The following COL5A2 variants were observed in gnomAD, a reference collection of about 807,000 sequenced individuals.
COL5A2 encodes the protein collagen type V alpha 2 chain.
A neutral mutation model predicts 208.2 loss-of-function variants in COL5A2; 23 were observed. That is an observed-to-expected ratio of 0.11 (90% CI 0.08 to 0.16). The LOEUF (loss-of-function observed/expected upper bound fraction) is 0.16, where lower values mean the gene tolerates loss of function less well. Ranked by LOEUF, COL5A2 falls within the 10% of genes least tolerant of loss-of-function variation. The probability of loss-of-function intolerance (pLI) is 1.00; values close to 1 mark genes in which losing one functional copy is unlikely to be tolerated. For synonymous variants in COL5A2, 625 were observed against 628.5 expected (o/e 0.99, Z 0.08); for missense variants, 1,590 against 1,956.4 (o/e 0.81, Z 3.53).
At chr2:189,104,620 TG>T (rs1412338295) in intron 2 of COL5A2, among the ~76,000 whole-genome samples, 1 of 151,888 alleles carries the variant, frequency 6.6e-6, no homozygotes, top group Non-Finnish European at 1.5e-5. Flanking sequence ...TGAGCAAGGC[TG>T]TTTATTCATA....
chr2:189,220,065 T>A (rs2351633), intron 1 of COL5A2, among the ~76,000 whole-genome samples: 110,427 of 152,048 alleles, frequency 0.73, 43,177 homozygotes, highest in Non-Finnish European at 0.87. Context: ...TGCAGGCCTT[T>A]ATGCCCACCT....
chr2:189,129,790 A>T (rs1331873932), intron 1 of COL5A2, among the ~76,000 whole-genome samples: 3 of 152,062 alleles, frequency 2.0e-5, no homozygotes, highest in Non-Finnish European at 4.4e-5. Flanking sequence ...AGCTACATTA[A>T]AGACTGTGTG....
chr2:189,064,511 G>A (rs1686102924), intron 25 of COL5A2, 46 bp downstream of exon 25: 3 of 1,334,714 alleles, frequency 2.2e-6, no homozygotes, highest in South Asian at 2.3e-5. Flanking sequence ...GCATGCTCAG[G>A]AGCACTTCTC....
At chr2:189,399,828 T>C in the COL5A2 span, among the ~76,000 whole-genome samples, 1 of 152,088 alleles carries the variant, frequency 6.6e-6, no homozygotes, top group Non-Finnish European at 1.5e-5. Context: ...GCCTCTGGAA[T>C]AGCTAAGACT....
chr2:189,290,410 G>A, the COL5A2 span, among the ~76,000 whole-genome samples: 1 of 152,204 alleles, frequency 6.6e-6, no homozygotes, highest in Admixed American at 6.5e-5. Context: ...GAAACCAAGA[G>A]TGTAGTGTCA....
chr2:189,188,940 T>A (rs1229883348), intron 1 of COL5A2, among the ~76,000 whole-genome samples: 2 of 152,216 alleles, frequency 1.3e-5, no homozygotes, highest in East Asian at 3.9e-4. Context: ...TTTAAAGACT[T>A]CTGTGTATTG....
intron 45 of COL5A2, among the ~76,000 whole-genome samples, chr2:189,047,778 T>C (rs995203295): frequency 1.3e-5 from 2 of 152,216 alleles, no homozygotes; most frequent in Non-Finnish European, 2.9e-5. Flanking sequence ...CACATTCTAA[T>C]TTAAAACACA....
the COL5A2 span, among the ~76,000 whole-genome samples, chr2:189,433,954 T>C: frequency 6.6e-6 from 1 of 152,138 alleles, no homozygotes; most frequent in Non-Finnish European, 1.5e-5. Flanking sequence ...GCAAACCAAA[T>C]CCAGCAGCAC....
At chr2:189,391,201 G>A in the COL5A2 span, among the ~76,000 whole-genome samples, 9 of 152,034 alleles carry the variant, frequency 5.9e-5, no homozygotes, top group East Asian at 1.7e-3. Context: ...CTTGTAACAC[G>A]GCATTTGAGG....
chr2:189,299,544 T>G, the COL5A2 span, among the ~76,000 whole-genome samples: 7 of 152,208 alleles, frequency 4.6e-5, no homozygotes, highest in African/African-American at 1.7e-4. Flanking sequence ...GTATACTCCC[T>G]AATGGTACAA....
At chr2:189,320,149 C>T in the COL5A2 span, among the ~76,000 whole-genome samples, 2 of 152,236 alleles carry the variant, frequency 1.3e-5, no homozygotes, top group South Asian at 4.1e-4. Flanking sequence ...GACATCCACA[C>T]CAAAAACCCA....
rs554146684 is a variant in COL5A2, at chr2:189,185,170, C to T, written c.-42+39978G>A. On this transcript the variant is annotated intron_variant, in intron 1 of 10. Coordinates refer to the COL5A2 transcript ENST00000649966. ...TCCCAAGTAGCTGGGATTACAGGCACGCACCACTACGCCTGGCTAATTTAT... is the reference window on the plus strand; with the variant it reads ...TCCCAAGTAGCTGGGATTACAGGCATGCACCACTACGCCTGGCTAATTTAT... Among the ~76,000 whole-genome samples, 20 of 152,048 alleles carry T rather than the reference C, an allele frequency of 1.3e-4. No homozygotes were observed. In the East Asian group the frequency reaches 1.7e-3, roughly 13 times the overall value.
the COL5A2 span, among the ~76,000 whole-genome samples, chr2:189,387,966 G>A: frequency 6.6e-6 from 1 of 151,986 alleles, no homozygotes; most frequent in Admixed American, 6.6e-5. Flanking sequence ...TGTATTTTTT[G>A]TAGGGACAGG....
In COL5A2 at chr2:189,037,154, G is replaced by A. The variant is rs969856610; in HGVS notation, c.3926-351C>T. On this transcript the variant is annotated intron_variant, in intron 51 of 53. Coordinates refer to ENST00000374866, the MANE Select transcript of COL5A2 (RefSeq NM_000393.5). ...GTTTCCAATATTTTAAAGCAAATTA[G>A]AATGAGTGTAACAAAATAATGTAAA... 2.6e-5 allele frequency among the ~76,000 whole-genome samples: 4 copies of A among 152,094 alleles called. No individual in the cohort carries two copies. In the South Asian group the frequency reaches 8.3e-4, roughly 31 times the overall value.
In COL5A2 at chr2:189,033,758, T is replaced by A; in HGVS notation, c.*312A>T. The A allele has an allele frequency of 2.7e-6, 1 of 372,330 alleles. No homozygotes were observed. The highest frequency in any genetic ancestry group is 5.0e-6 in the Non-Finnish European group (1 of 199,012). 23.1% of individuals were successfully genotyped at this position (372,330 alleles called of 1,614,324 possible). On this transcript the variant is annotated 3_prime_UTR_variant, in exon 54 of 54. Transcript: ENST00000374866. ...AAGCAACTTTTTCATTACACTGAAA[T>A]AAATTGAAGAAAACGGAGATTTATT...
the COL5A2 span, among the ~76,000 whole-genome samples, chr2:189,286,371 A>G: frequency 6.6e-6 from 1 of 152,214 alleles, no homozygotes. Context: ...AAGATGAAGA[A>G]ATAACTTACA....
At chr2:189,435,127 A>G in the COL5A2 span, among the ~76,000 whole-genome samples, 1 of 152,248 alleles carries the variant, frequency 6.6e-6, no homozygotes, top group African/African-American at 2.4e-5. Context: ...AGCCATATGT[A>G]GAAAGCTGAA....
intron 53 of COL5A2, 135 bp downstream of exon 53, chr2:189,034,781 G>C (rs1685408780): frequency 1.0e-6 from 1 of 970,206 alleles, no homozygotes; most frequent in Non-Finnish European, 1.6e-6. Context: ...TTACCCTAAG[G>C]AATGACTATA....
the COL5A2 span, among the ~76,000 whole-genome samples, chr2:189,352,066 T>C: frequency 6.6e-6 from 1 of 152,092 alleles, no homozygotes; most frequent in African/African-American, 2.4e-5. Flanking sequence ...TTTTCTGTTC[T>C]TGTGTTAGTT....
Sources: gnomAD v4.1 joint callset for allele counts (sites outside exome capture counted in the v4.1 genomes callset) on GRCh38, gnomAD v4.1.1 for gene constraint, MANE v1.5 for transcripts, NCBI Gene and HGNC (gene_info 2026-07-23, HGNC 2026-07-21) for gene names.